TIGAR: variants seen among roughly 807,000 people sequenced by gnomAD.
The protein encoded by TIGAR is fructose-2,6-bisphosphatase TIGAR.
TIGAR carries 7 observed loss-of-function variants against 17.9 expected under a neutral mutation model. That is an observed-to-expected ratio of 0.39 (90% CI 0.22 to 0.73). The LOEUF is 0.73. TIGAR is among the 30% of genes least tolerant of loss of function. The pLI, the probability that TIGAR is intolerant of heterozygous loss-of-function variation, is 0.42. For synonymous variants in TIGAR, 94 were observed against 108.6 expected (o/e 0.87, Z 0.84); for missense variants, 258 against 327.4 (o/e 0.79, Z 1.64).
At chr12:4,322,655 T>A (rs952467756) in intron 1 of TIGAR, among the ~76,000 whole-genome samples, 7 of 150,838 alleles carry the variant, frequency 4.6e-5, no homozygotes, top group Non-Finnish European at 1.0e-4. Flanking sequence ...ATTAATATGA[T>A]TTAACTTTGT....
At chr12:4,346,789 C>T (rs1462642178) in intron 3 of TIGAR, among the ~76,000 whole-genome samples, 2 of 151,756 alleles carry the variant, frequency 1.3e-5, no homozygotes, top group African/African-American at 4.8e-5. Context: ...GACAAAGAGA[C>T]ATATGAAAAA....
intron 3 of TIGAR, among the ~76,000 whole-genome samples, chr12:4,348,442 C>G (rs927148310): frequency 3.9e-5 from 6 of 152,176 alleles, no homozygotes; most frequent in African/African-American, 1.4e-4. Flanking sequence ...ATTAGTTAGG[C>G]TGTCAGCAAA....
In TIGAR at chr12:4,352,786, AAC is replaced by A; in HGVS notation, c.*97_*98del. 1.5e-6 allele frequency: 2 copies of A among 1,319,102 alleles called. No homozygotes were observed. The highest frequency in any genetic ancestry group is 2.0e-6 in the Non-Finnish European group (2 of 982,880). The allele number at this position is 1,319,102 out of a possible 1,614,324, so 81.7% of individuals were successfully genotyped here. A position where few individuals can be genotyped will look rare whatever the true frequency, so the allele number is the denominator to read the frequency against. On this transcript the variant is annotated 3_prime_UTR_variant, in exon 6 of 6. Transcript: ENST00000179259. ...TCTCCTCTGCTAGTTCTGATTTGGA[AAC>A]AGTTAAAAGCCAATTTTTAGCTCCA...
At position 4,338,519 on chromosome 12, in the gene TIGAR, G is replaced by A. The variant is rs142848969; in HGVS notation, c.192+1359G>A. On this transcript the variant is annotated intron_variant, in intron 3 of 5. Coordinates refer to ENST00000179259, the MANE Select transcript of TIGAR (RefSeq NM_020375.3). ...TGGGGCAGAGTAATGGAAGAAAGAC[G>A]TGGATAGACAAAGAACTCTAGAAAT... is the stretch of plus-strand genomic sequence containing the variant. Among the ~76,000 whole-genome samples the A allele has an allele frequency of 1.7e-4, 26 of 152,258 alleles. No homozygotes were observed. The East Asian group carries it at 3.1e-3, about 18-fold the overall frequency.
intron 1 of TIGAR, among the ~76,000 whole-genome samples, chr12:4,322,273 A>G (rs1162447337): frequency 2.0e-5 from 3 of 152,244 alleles, no homozygotes; most frequent in African/African-American, 7.2e-5. Flanking sequence ...TTGGGATTAC[A>G]GGCATGAGCC....
rs763354548 is a variant in TIGAR at position 4,325,206 on chromosome 12, T to TG, written c.32+3904dup. On this transcript the variant is annotated intron_variant, in intron 1 of 5. Coordinates refer to ENST00000179259, the MANE Select transcript of TIGAR (RefSeq NM_020375.3). ...ATCCGCCTGCCTCGGCCTCCCAAAGTGTTGGGATTACAGGCGTGAGCCACC... is the reference window on the plus strand; with the variant it reads ...ATCCGCCTGCCTCGGCCTCCCAAAGTGGTTGGGATTACAGGCGTGAGCCACC... Among the ~76,000 whole-genome samples the TG allele has an allele frequency of 1.8e-4, 28 of 152,098 alleles. No homozygotes were observed. The East Asian group carries it at 5.4e-3, about 30-fold the overall frequency.
Position 4,356,338 on chromosome 12 carries a change from C to T in TIGAR, c.*3647C>T, listed in dbSNP as rs1864900999. Among the ~76,000 whole-genome samples the T allele has an allele frequency of 6.6e-6, 1 of 152,140 alleles. No homozygotes were observed. The highest frequency in any genetic ancestry group is 2.1e-4 in the South Asian group (1 of 4,830). ...CATAGATCTCTCATTTTGCCTGAGT[C>T]TTTTATGCAATGATATTTTATTTGT... On this transcript the variant is annotated 3_prime_UTR_variant, in exon 6 of 6. Transcript: ENST00000179259.
rs759179491 is a variant in TIGAR at position 4,351,282 on chromosome 12, G to A, written c.286G>A (p.Glu96Lys). The A allele has an allele frequency of 6.2e-7, 1 of 1,614,144 alleles. No individual in the cohort carries two copies. Among genetic ancestry groups the A allele is most frequent in the African/African-American group, 1.3e-5 (1 of 75,048 alleles). Residue 96 changes from glutamate to lysine, a missense_variant, in exon 5 of 6, where the codon GAA becomes AAA. Transcript: ENST00000179259. ...RLRERKYGVV[E>K]GKALSELRAM... ...ACTGTTTCAGAAATACGGGGTTGTA[G>A]AAGGCAAAGCGCTAAGTGAGCTGAG...
chr12:4,326,774 T>G (rs557627617), intron 1 of TIGAR, among the ~76,000 whole-genome samples: 1 of 152,330 alleles, frequency 6.6e-6, no homozygotes, highest in East Asian at 1.9e-4. Flanking sequence ...CTACTTTGAT[T>G]AAATAAAAAT....
At chr12:4,322,684 A>G (rs983893748) in intron 1 of TIGAR, among the ~76,000 whole-genome samples, 12 of 152,206 alleles carry the variant, frequency 7.9e-5, no homozygotes, top group Non-Finnish European at 1.0e-4. Flanking sequence ...TTTAACAGCT[A>G]TCTTTTCTGG....
chr12:4,338,345 A>T (rs1413040249), intron 3 of TIGAR, among the ~76,000 whole-genome samples: 1 of 152,176 alleles, frequency 6.6e-6, no homozygotes, highest in Non-Finnish European at 1.5e-5. Context: ...AGAACAAAGA[A>T]GGTGAGCCCT....
At chr12:4,323,509 C>T (rs1864504050) in intron 1 of TIGAR, among the ~76,000 whole-genome samples, 1 of 152,072 alleles carries the variant, frequency 6.6e-6, no homozygotes, top group Non-Finnish European at 1.5e-5. Context: ...TAAAATCTGA[C>T]AGTTTAGTGA....
rs1180181344 is a variant in TIGAR at position 4,348,566 on chromosome 12, A to AAG, written c.193-1249_193-1248dup. 1.1e-4 allele frequency among the ~76,000 whole-genome samples: 16 copies of AAG among 151,924 alleles called. No individual in the cohort carries two copies. The South Asian group carries it at 2.1e-3, about 20-fold the overall frequency. ...TGTAGGTGAAATGACATTTCAGACA[A>AAG]AGAGATTCTGAAGTAACTTTGAAAG... On this transcript the variant is annotated intron_variant, in intron 3 of 5. Coordinates refer to ENST00000179259, the MANE Select transcript of TIGAR (RefSeq NM_020375.3).
intron 1 of TIGAR, among the ~76,000 whole-genome samples, chr12:4,328,784 C>A (rs1268226713): frequency 6.6e-6 from 1 of 151,650 alleles, no homozygotes. Flanking sequence ...ACCTTGTTGG[C>A]CAGGCTGGTC....
chr12:4,340,828 G>C (rs752618876), intron 3 of TIGAR, among the ~76,000 whole-genome samples: 1 of 152,168 alleles, frequency 6.6e-6, no homozygotes, highest in African/African-American at 2.4e-5. Flanking sequence ...TGGAAAACTG[G>C]ATATCCATAT....
intron 1 of TIGAR, among the ~76,000 whole-genome samples, chr12:4,329,496 G>T (rs747970787): frequency 3.3e-5 from 5 of 151,640 alleles, no homozygotes; most frequent in Non-Finnish European, 5.9e-5. Context: ...CCGCCACCAC[G>T]CATGGCTAAA....
intron 2 of TIGAR, among the ~76,000 whole-genome samples, chr12:4,332,498 C>T (rs1046495301): frequency 6.6e-6 from 1 of 152,166 alleles, no homozygotes; most frequent in African/African-American, 2.4e-5. Flanking sequence ...CCTGCCTTAG[C>T]ATCCCAAAGT....
chr12:4,344,157 C>G (rs1425210929), intron 3 of TIGAR, among the ~76,000 whole-genome samples: 1 of 152,330 alleles, frequency 6.6e-6, no homozygotes, highest in East Asian at 1.9e-4. Flanking sequence ...GACACCTACA[C>G]CCTCCCAAGA....
chr12:4,359,511 G>A lies in TIGAR; in HGVS notation c.*6820G>A, dbSNP rs1003641792. Among the ~76,000 whole-genome samples the A allele has an allele frequency of 2.6e-5, 4 of 151,902 alleles. No homozygotes were observed. Among genetic ancestry groups the A allele is most frequent in the Non-Finnish European group, 4.4e-5 (3 of 67,986 alleles). On this transcript the variant is annotated 3_prime_UTR_variant, in exon 6 of 6. Coordinates refer to ENST00000179259, the MANE Select transcript of TIGAR (RefSeq NM_020375.3). ...CATGGTATTTAGAAACCAAGATCTC[G>A]GTGCCAGGGTGCTCATTGCTAATAG...
Sources: allele counts gnomAD v4.1 joint callset (sites outside exome capture counted in the v4.1 genomes callset), GRCh38; gene constraint gnomAD v4.1.1; transcripts MANE v1.5; gene names NCBI Gene and HGNC (gene_info 2026-07-23, HGNC 2026-07-21).